CACNB4: variants seen among roughly 807,000 people sequenced by gnomAD.
CACNB4 encodes the protein calcium voltage-gated channel auxiliary subunit beta 4, also known as voltage-dependent L-type calcium channel subunit beta-4.
A neutral mutation model predicts 71.2 loss-of-function variants in CACNB4; 32 were observed. That is an observed-to-expected ratio of 0.45 (90% CI 0.34 to 0.60). CACNB4 has a LOEUF of 0.60. Among genes scored for constraint, CACNB4 ranks in the 20% least tolerant of loss-of-function variants. CACNB4 has a pLI of 0.01. For synonymous variants in CACNB4, 231 were observed against 236.9 expected, an observed-to-expected ratio of 0.97 and a Z score of 0.23; for missense variants, 464 against 647.9, an observed-to-expected ratio of 0.72 and a Z score of 3.08.
intron 9 of CACNB4, among the ~76,000 whole-genome samples, chr2:151,862,010 G>A (rs954997622): frequency 1.1e-4 from 16 of 152,144 alleles, no homozygotes; most frequent in African/African-American, 3.6e-4. Context: ...AGAATTCAAA[G>A]CTTGCCTCTT....
intron 2 of CACNB4, among the ~76,000 whole-genome samples, chr2:152,047,358 G>A (rs1171280456): frequency 3.9e-5 from 6 of 152,292 alleles, no homozygotes; most frequent in South Asian, 2.1e-4. Context: ...CCTAGAGAGA[G>A]TTATGCCCAC....
chr2:152,067,387 G>A (rs1047352362), intron 2 of CACNB4, among the ~76,000 whole-genome samples: 2 of 144,452 alleles, frequency 1.4e-5, no homozygotes, highest in African/African-American at 2.8e-5. Flanking sequence ...ATGTGTGTGT[G>A]TGGGGGGGGG....
intron 2 of CACNB4, among the ~76,000 whole-genome samples, chr2:152,050,697 C>A (rs571925757): frequency 6.6e-6 from 1 of 152,152 alleles, no homozygotes; most frequent in South Asian, 2.1e-4. Flanking sequence ...GCCTGTGTGA[C>A]AGAGCAAGAC....
chr2:151,935,236 C>T (rs1014354822), intron 2 of CACNB4, among the ~76,000 whole-genome samples: 16 of 152,348 alleles, frequency 1.1e-4, no homozygotes, highest in Admixed American at 7.2e-4. Flanking sequence ...TGAAGAGTGA[C>T]AGGTTTTGGA....
At position 151,880,783 on chromosome 2, in the gene CACNB4, G is replaced by A; in HGVS notation, c.390+17C>T. 2 of 1,604,578 alleles carry A rather than the reference G, an allele frequency of 1.2e-6. No homozygotes were observed. The highest frequency in any genetic ancestry group is 1.1e-5 in the South Asian group (1 of 89,110). Reference sequence around the variant, plus strand: ...GCTTTTTGGCAGGTGAAGGGATGCAGTATGTTCTACATTTACCTCTTTAAT... The same window carrying A: ...GCTTTTTGGCAGGTGAAGGGATGCAATATGTTCTACATTTACCTCTTTAAT... On this transcript the variant is annotated intron_variant, in intron 4 of 13. Transcript: ENST00000539935.
In CACNB4 at chr2:151,834,826, A is replaced by G. The variant is rs2099834547; in HGVS notation, c.*4293T>C. On this transcript the variant is annotated 3_prime_UTR_variant, in exon 14 of 14. Coordinates refer to ENST00000539935, the MANE Select transcript of CACNB4 (RefSeq NM_000726.5). Reference sequence around the variant, plus strand: ...GTATTTAAAGGTATGAGAAACTAATAAAACAGATTTTATTACATAATTTCC... The same window carrying G: ...GTATTTAAAGGTATGAGAAACTAATGAAACAGATTTTATTACATAATTTCC... 1 of 151,982 alleles carries G rather than the reference A, an allele frequency of 6.6e-6. No individual in the cohort carries two copies. The highest frequency in any genetic ancestry group is 1.5e-5 in the Non-Finnish European group (1 of 67,826). 9.4% of individuals were successfully genotyped at this position (151,982 alleles called of 1,614,324 possible).
intron 2 of CACNB4, among the ~76,000 whole-genome samples, chr2:151,919,841 C>T (rs1345315660): frequency 6.6e-6 from 1 of 151,572 alleles, no homozygotes; most frequent in Non-Finnish European, 1.5e-5. Flanking sequence ...GTTTGGAAAA[C>T]AAACAAACAA....
chr2:151,978,412 C>T (rs1224497254), intron 2 of CACNB4, among the ~76,000 whole-genome samples: 2 of 152,074 alleles, frequency 1.3e-5, no homozygotes, highest in East Asian at 1.9e-4. Context: ...AATGGTCCTC[C>T]CTGTGATATG....
At chr2:152,031,318 G>A (rs1438836592) in intron 2 of CACNB4, among the ~76,000 whole-genome samples, 2 of 152,114 alleles carry the variant, frequency 1.3e-5, no homozygotes, top group African/African-American at 2.4e-5. Context: ...CTTAATGACC[G>A]AATAAGACTC....
chr2:152,060,512 T>A (rs548589737), intron 2 of CACNB4, among the ~76,000 whole-genome samples: 1 of 152,324 alleles, frequency 6.6e-6, no homozygotes, highest in Non-Finnish European at 1.5e-5. Context: ...TCAAAATGTA[T>A]CAAGGACTGT....
intron 2 of CACNB4, among the ~76,000 whole-genome samples, chr2:151,930,479 A>G (rs534902290): frequency 5.9e-5 from 9 of 152,248 alleles, no homozygotes; most frequent in Non-Finnish European, 5.9e-5. Context: ...GAATTTGTCA[A>G]TATAAAATTT....
At position 152,019,039 on chromosome 2, in the gene CACNB4, A is replaced by G. The variant is rs374002277; in HGVS notation, c.147+79291T>C. ...TCTGGGGGCCAGGAGAGGGGAATTC[A>G]CACACCACAGTGTGTTTTGTCCTCT... is the stretch of plus-strand genomic sequence containing the variant. On this transcript the variant is annotated intron_variant, in intron 2 of 13. Coordinates refer to ENST00000539935, the MANE Select transcript of CACNB4 (RefSeq NM_000726.5). 3.3e-5 allele frequency among the ~76,000 whole-genome samples: 5 copies of G among 152,278 alleles called. No individual in the cohort carries two copies. In the East Asian group the frequency reaches 9.6e-4, roughly 29 times the overall value.
At chr2:151,887,390 G>A (rs1451282531) in intron 2 of CACNB4, among the ~76,000 whole-genome samples, 1 of 150,640 alleles carries the variant, frequency 6.6e-6, no homozygotes, top group Non-Finnish European at 1.5e-5. Context: ...CAAGGTCACA[G>A]CACAGCACTC....
chr2:151,882,246 T>C (rs2099848099), intron 3 of CACNB4, among the ~76,000 whole-genome samples: 1 of 133,704 alleles, frequency 7.5e-6, no homozygotes, highest in African/African-American at 2.8e-5. Context: ...TGGAGTGCAC[T>C]GGTGTGATCT....
chr2:151,900,987 CTTTCTTTTTTTTTTT>C (rs1480531168), intron 2 of CACNB4, among the ~76,000 whole-genome samples: 1 of 88,724 alleles, frequency 1.1e-5, no homozygotes, highest in Non-Finnish European at 2.3e-5. Flanking sequence ...TTCTTTCTTT[CTTTCTTTTTTTTTTT>C]TTTTTTTTTG....
At chr2:151,997,403 G>A (rs1002275932) in intron 2 of CACNB4, among the ~76,000 whole-genome samples, 9 of 152,036 alleles carry the variant, frequency 5.9e-5, no homozygotes, top group South Asian at 2.1e-4. Context: ...GCGTGGTGGC[G>A]GGCGCCTCTA....
At chr2:151,877,784 C>A (rs1340478645) in intron 4 of CACNB4, among the ~76,000 whole-genome samples, 1 of 152,158 alleles carries the variant, frequency 6.6e-6, no homozygotes, top group Non-Finnish European at 1.5e-5. Flanking sequence ...TCCAGAATTT[C>A]CATTTAAGTT....
intron 2 of CACNB4, among the ~76,000 whole-genome samples, chr2:152,033,543 G>A (rs775866112): frequency 6.6e-6 from 1 of 152,196 alleles, no homozygotes; most frequent in Non-Finnish European, 1.5e-5. Flanking sequence ...GCGAGAGGCA[G>A]ATTCACTGTG....
At chr2:152,006,437 C>T (rs934441563) in intron 2 of CACNB4, among the ~76,000 whole-genome samples, 1 of 140,828 alleles carries the variant, frequency 7.1e-6, no homozygotes, top group Non-Finnish European at 1.5e-5. Flanking sequence ...GAGTCTCACT[C>T]TGTTGTCCAG....
Sources: gnomAD v4.1 joint callset for allele counts (sites outside exome capture counted in the v4.1 genomes callset) on GRCh38, gnomAD v4.1.1 for gene constraint, MANE v1.5 for transcripts, NCBI Gene and HGNC (gene_info 2026-07-23, HGNC 2026-07-21) for gene names.